Variants in TRIP6 observed in about 807,000 individuals in gnomAD.
TRIP6 encodes the protein thyroid receptor-interacting protein 6.
TRIP6 carries 33 observed loss-of-function variants against 51.9 expected under a neutral mutation model. The ratio of observed to expected loss-of-function variants is 0.64; its 90% CI spans 0.48 to 0.85. TRIP6 has a LOEUF of 0.85. Ranked by LOEUF, TRIP6 falls within the 40% of genes least tolerant of loss-of-function variation. The pLI is 0.00. For synonymous variants in TRIP6, 255 were observed against 275.8 expected, an observed-to-expected ratio of 0.92 and a Z score of 0.75; for missense variants, 661 against 652.1, an observed-to-expected ratio of 1.01 and a Z score of -0.15.
Position 100,867,430 on chromosome 7 carries a change from G to A in TRIP6, c.-68G>A, listed in dbSNP as rs922964360. 3 of 1,173,046 alleles carry A rather than the reference G, an allele frequency of 2.6e-6. No individual in the cohort carries two copies. The highest frequency in any genetic ancestry group is 6.3e-5 in the East Asian group (2 of 31,796). 72.7% of individuals were successfully genotyped at this position (1,173,046 alleles called of 1,614,324 possible). ...TGGAGTCCCAAACGAGGTGCGGGAC[G>A]GAAGAGGGGGTGAAGGCCAGAGGCT... On this transcript the variant is annotated 5_prime_UTR_variant, in exon 1 of 9. Coordinates refer to ENST00000200457, the MANE Select transcript of TRIP6 (RefSeq NM_003302.3). The surrounding 1 kb of genome is among the most constrained non-coding windows in gnomAD (Gnocchi z 5.4).
intron 6 of TRIP6, 98 bp downstream of exon 6, chr7:100,870,841 G>A: frequency 1.4e-6 from 2 of 1,459,256 alleles, no homozygotes; most frequent in Non-Finnish European, 1.8e-6. Flanking sequence ...AGGAGGAACG[G>A]TGCTAAAAGC....
chr7:100,871,859 G>T (rs765085736), intron 7 of TRIP6, 138 bp downstream of exon 7: 14 of 1,175,370 alleles, frequency 1.2e-5, no homozygotes, highest in African/African-American at 1.5e-5. Context: ...TTTTAGAGAC[G>T]GAGTTTCACT....
Position 100,867,720 on chromosome 7 carries a change from C to G in TRIP6, c.109+114C>G. On this transcript the variant is annotated intron_variant, in intron 1 of 8. Coordinates refer to ENST00000200457, the MANE Select transcript of TRIP6 (RefSeq NM_003302.3). This position sits in a 1 kb window ranked among gnomAD's most constrained non-coding sequence, Gnocchi z 5.4. ...CTCCTGCCCCTTCCCCAAGCCGAGG[C>G]GGGGGGAACAGCCGCCTGCGCTCTC... 6.6e-7 allele frequency: 1 copy of G among 1,519,690 alleles called. No individual in the cohort carries two copies. The highest frequency in any genetic ancestry group is 1.3e-5 in the South Asian group (1 of 79,992). The allele number at this position is 1,519,690 out of a possible 1,614,324, so 94.1% of individuals were successfully genotyped here.
Position 100,872,704 on chromosome 7 carries a change from C to G in TRIP6, c.1259C>G (p.Ala420Gly), listed in dbSNP as rs199910260. The G allele has an allele frequency of 6.2e-7, 1 of 1,614,150 alleles. No individual in the cohort carries two copies. The highest frequency in any genetic ancestry group is 1.7e-5 in the Admixed American group (1 of 60,002). ...CAGGAGGAGACTGTGAGAATTGTTG[C>G]TCTGGATCGAAGTTTTCACATTGGC... is the stretch of plus-strand genomic sequence containing the variant. ...PGQEETVRIV[A>G]LDRSFHIGCY... Residue 420 changes from alanine to glycine, a missense_variant, in exon 8 of 9, where the codon GCT becomes GGT. Transcript: ENST00000200457.
At chr7:100,872,816 A>T in intron 8 of TRIP6, 72 bp downstream of exon 8, 5 of 1,581,098 alleles carry the variant, frequency 3.2e-6, no homozygotes, top group Non-Finnish European at 4.3e-6. Context: ...GGGGGAACAC[A>T]GAGGTCTGGG....
In TRIP6 at chr7:100,868,535, C is replaced by T. The variant is rs1198331044; in HGVS notation, c.404C>T (p.Ser135Phe). The T allele has an allele frequency of 2.5e-6, 4 of 1,613,084 alleles. No individual in the cohort carries two copies. The highest frequency in any genetic ancestry group is 3.4e-6 in the Non-Finnish European group (4 of 1,180,016). The change falls in exon 4 of 9, where the codon TCC (serine) becomes TTC (phenylalanine). Residue 135 changes from serine to phenylalanine, a missense_variant. Coordinates refer to ENST00000200457, the MANE Select transcript of TRIP6 (RefSeq NM_003302.3). ...PPPPPAYRTGSLKPNPASPLP... is the reference protein window; with the variant it reads ...PPPPPAYRTGFLKPNPASPLP... ...CCACCTCCTGCCTACCGCACGGGCT[C>T]CCTGAAGCCAAATCCAGCCTCGCCG...
At chr7:100,868,469 G>T (rs372006313) in intron 3 of TRIP6, 26 bp from the exon 4 acceptor site, 1 of 1,612,902 alleles carries the variant, frequency 6.2e-7, no homozygotes, top group East Asian at 2.2e-5. Flanking sequence ...CCTTGCTTAC[G>T]ACTTCTGGCC....
intron 5 of TRIP6, 54 bp downstream of exon 5, chr7:100,870,517 A>G (rs976240589): frequency 5.6e-6 from 9 of 1,605,688 alleles, no homozygotes; most frequent in Non-Finnish European, 7.7e-6. Flanking sequence ...TGGGAGACAG[A>G]GGGGACAGTG....
rs1815206446 is a variant in TRIP6, at chr7:100,868,776, C to A, written c.645C>A (p.Ser215Arg). ...AAGTCTGGGGGCCTGGCTATAGGAGCCAGAGAGAGCCAGGGCCAGGGGCCA... is the reference window on the plus strand; with the variant it reads ...AAGTCTGGGGGCCTGGCTATAGGAGACAGAGAGAGCCAGGGCCAGGGGCCA... The part of the protein sequence containing the change: ...RGEVWGPGYR[S>R]QREPGPGAKE... Residue 215 changes from serine to arginine, a missense_variant, in exon 4 of 9, where the codon AGC (serine) becomes AGA (arginine). Coordinates refer to ENST00000200457, the MANE Select transcript of TRIP6 (RefSeq NM_003302.3). 4 of 1,530,626 alleles carry A rather than the reference C, an allele frequency of 2.6e-6. No individual in the cohort carries two copies. Among genetic ancestry groups the A allele is most frequent in the Non-Finnish European group, 3.5e-6 (4 of 1,143,660 alleles). The allele number at this position is 1,530,626 out of a possible 1,614,324, so 94.8% of individuals were successfully genotyped here. A position where few individuals can be genotyped will look rare whatever the true frequency, so the allele number is the denominator to read the frequency against.
At position 100,871,659 on chromosome 7, in the gene TRIP6, C is replaced by T. The variant is rs1271553342; in HGVS notation, c.1116C>T (p.Leu372=). 6 of 1,613,964 alleles carry T rather than the reference C, an allele frequency of 3.7e-6. No homozygotes were observed. The highest frequency in any genetic ancestry group is 1.6e-4 in the Middle Eastern group (1 of 6,084). The part of the protein sequence containing the change: ...CFTCVVCHRG[L]DGIPFTVDAT... The stretch of plus-strand genomic sequence containing the variant: ...CCTGCGTGGTGTGTCACCGCGGCCT[C>T]GACGGCATCCCCTTCACAGTGGATG... Residue 372 remains leucine, a synonymous_variant, in exon 7 of 9, where the codon CTC becomes CTT. Coordinates refer to ENST00000200457, the MANE Select transcript of TRIP6 (RefSeq NM_003302.3).
chr7:100,873,324 T>C lies in TRIP6; in HGVS notation c.*21T>C, dbSNP rs1284183673. On this transcript the variant is annotated 3_prime_UTR_variant, in exon 9 of 9. Coordinates refer to ENST00000200457, the MANE Select transcript of TRIP6 (RefSeq NM_003302.3). The stretch of plus-strand genomic sequence containing the variant: ...GCTGAGTCTTCCTAGAAGTACCTGC[T>C]GGGTTCTCAGTTCCAGTTCCCATCC... The C allele has an allele frequency of 1.9e-6, 3 of 1,588,830 alleles. No individual in the cohort carries two copies. In the South Asian group the frequency reaches 3.3e-5, roughly 18 times the overall value.
intron 7 of TRIP6, 142 bp downstream of exon 7, chr7:100,871,863 T>C (rs1563003442): frequency 7.9e-6 from 9 of 1,146,342 alleles, no homozygotes; most frequent in Non-Finnish European, 1.1e-5. Context: ...AGAGACGGAG[T>C]TTCACTCTGT....
chr7:100,872,289 G>A (rs1349471601), intron 7 of TRIP6, among the ~76,000 whole-genome samples: 3 of 145,352 alleles, frequency 2.1e-5, no homozygotes, highest in Admixed American at 7.3e-5. Context: ...TGCCTCGGCC[G>A]CCCAAAGTGC....
In TRIP6 at chr7:100,867,484, C is replaced by G; in HGVS notation, c.-14C>G. 2.1e-6 allele frequency: 3 copies of G among 1,456,970 alleles called. No individual in the cohort carries two copies. Among genetic ancestry groups the G allele is most frequent in the Non-Finnish European group, 2.7e-6 (3 of 1,103,960 alleles). The allele number at this position is 1,456,970 out of a possible 1,614,324, so 90.3% of individuals were successfully genotyped here. On this transcript the variant is annotated 5_prime_UTR_variant, in exon 1 of 9. Transcript: ENST00000200457. The surrounding 1 kb of genome is among the most constrained non-coding windows in gnomAD (Gnocchi z 5.4). Reference sequence around the variant, plus strand: ...GGCTTCAAGACCGCTGTCTGGAGTCCCCCTTTCCAGGCCATGTCGGGGCCC... The same window carrying G: ...GGCTTCAAGACCGCTGTCTGGAGTCGCCCTTTCCAGGCCATGTCGGGGCCC...
In TRIP6 at chr7:100,867,656, C is replaced by G; in HGVS notation, c.109+50C>G. 6.4e-7 allele frequency: 1 copy of G among 1,561,306 alleles called. No homozygotes were observed. The highest frequency in any genetic ancestry group is 8.7e-7 in the Non-Finnish European group (1 of 1,153,826). ...AGAGCCACCCAGCTGTGGCGCTCACCTCTGTCCTACCGCTCCAGCCTCCCG... is the reference window on the plus strand; with the variant it reads ...AGAGCCACCCAGCTGTGGCGCTCACGTCTGTCCTACCGCTCCAGCCTCCCG... On this transcript the variant is annotated intron_variant, in intron 1 of 8. Transcript: ENST00000200457. The surrounding 1 kb of genome is among the most constrained non-coding windows in gnomAD (Gnocchi z 5.4).
In TRIP6 at chr7:100,873,349, C is replaced by T. The variant is rs1443994580; in HGVS notation, c.*46C>T. ...TGGGTTCTCAGTTCCAGTTCCCATC[C>T]TTTGATTGATCACTCTCCCTGACAT... On this transcript the variant is annotated 3_prime_UTR_variant, in exon 9 of 9. Transcript: ENST00000200457. 1.9e-6 allele frequency: 3 copies of T among 1,567,054 alleles called. No homozygotes were observed. The highest frequency in any genetic ancestry group is 1.7e-6 in the Non-Finnish European group (2 of 1,150,260).
At position 100,867,547 on chromosome 7, in the gene TRIP6, C is replaced by T; in HGVS notation, c.50C>T (p.Ala17Val). 3.3e-6 allele frequency: 5 copies of T among 1,534,752 alleles called. No homozygotes were observed. Among genetic ancestry groups the T allele is most frequent in the Non-Finnish European group, 4.4e-6 (5 of 1,142,786 alleles). ...LPPKQPEPAR[A>V]PQGRAIPRGT... ...CCGAAGCAGCCGGAGCCCGCCAGAGCCCCTCAGGGGAGGGCGATCCCCCGC... is the reference window on the plus strand; with the variant it reads ...CCGAAGCAGCCGGAGCCCGCCAGAGTCCCTCAGGGGAGGGCGATCCCCCGC... Residue 17 changes from alanine (A) to valine (V), a missense_variant, in exon 1 of 9, where the codon GCC (alanine) becomes GTC (valine). Transcript: ENST00000200457. This position sits in a 1 kb window ranked among gnomAD's most constrained non-coding sequence, Gnocchi z 5.4.
At chr7:100,870,316 GGTATTACA>G in intron 4 of TRIP6, 46 bp from the exon 5 acceptor site, 1 of 1,562,912 alleles carries the variant, frequency 6.4e-7, no homozygotes, top group East Asian at 2.4e-5. Context: ...TGAGGGCCCT[GGTATTACA>G]GCATCAGGAG....
rs900631815 is a variant in TRIP6 at position 100,867,721 on chromosome 7, G to A, written c.109+115G>A. On this transcript the variant is annotated intron_variant, in intron 1 of 8. Coordinates refer to ENST00000200457, the MANE Select transcript of TRIP6 (RefSeq NM_003302.3). The surrounding 1 kb of genome is among the most constrained non-coding windows in gnomAD (Gnocchi z 5.4). ...TCCTGCCCCTTCCCCAAGCCGAGGC[G>A]GGGGGAACAGCCGCCTGCGCTCTCT... The A allele has an allele frequency of 5.9e-6, 9 of 1,517,744 alleles. No individual in the cohort carries two copies. The highest frequency in any genetic ancestry group is 2.4e-5 in the East Asian group (1 of 42,036). 94.0% of individuals were successfully genotyped at this position (1,517,744 alleles called of 1,614,324 possible).
Sources: allele counts gnomAD v4.1 joint callset (sites outside exome capture counted in the v4.1 genomes callset), GRCh38; gene constraint gnomAD v4.1.1; non-coding constraint Gnocchi (gnomAD v3.1); transcripts MANE v1.5; gene names NCBI Gene and HGNC (gene_info 2026-07-23, HGNC 2026-07-21).